PLA1A: variants seen among roughly 807,000 people sequenced by gnomAD.
The protein encoded by PLA1A is phospholipase A1 member A, also known as phosphatidylserine-specific phospholipase A1alpha.
Under a neutral mutation model 49.4 loss-of-function variants are expected in PLA1A, and 47 were observed. The ratio of observed to expected loss-of-function variants is 0.95; its 90% CI spans 0.75 to 1.21. The LOEUF (loss-of-function observed/expected upper bound fraction) is 1.21, where lower values mean the gene tolerates loss of function less well. PLA1A is among the 50% of genes most tolerant of loss of function. The pLI is 0.00. For synonymous variants in PLA1A, 224 were observed against 207.9 expected (o/e 1.08, Z -0.67); for missense variants, 561 against 563.9 (o/e 0.99, Z 0.05).
chr3:119,622,149 GGAA>G (rs59447645), intron 8 of PLA1A, among the ~76,000 whole-genome samples: 10,795 of 125,914 alleles, frequency 0.086, 513 homozygotes, highest in Admixed American at 0.1. Flanking sequence ...AGGAGGAGGA[GGAA>G]GAAGAAGAAG....
intron 3 of PLA1A, 26 bp from the exon 4 acceptor site, chr3:119,609,442 G>A (rs375904701): frequency 2.4e-4 from 336 of 1,407,574 alleles, no homozygotes; most frequent in Admixed American, 4.3e-4. Flanking sequence ...TGGCCCACGG[G>A]GAACTCACTG....
chr3:119,612,992 C>G, intron 4 of PLA1A, 25 bp from the exon 5 acceptor site: 1 of 1,437,084 alleles, frequency 7.0e-7, no homozygotes, highest in Non-Finnish European at 9.6e-7. Flanking sequence ...GGAAAGAGGT[C>G]CCTCATATCA....
intron 8 of PLA1A, chr3:119,620,077 T>C (rs1244509646): frequency 4.4e-6 from 2 of 458,108 alleles, no homozygotes; most frequent in African/African-American, 2.0e-5. Flanking sequence ...CCTTCACAGA[T>C]GCATTCCAGC....
At chr3:119,598,211 A>G (rs143876428) in intron 1 of PLA1A, among the ~76,000 whole-genome samples, 11 of 152,274 alleles carry the variant, frequency 7.2e-5, no homozygotes, top group African/African-American at 2.6e-4. Context: ...TCATTTTTCT[A>G]AAGCCCACAT....
At chr3:119,603,723 G>T (rs1036318653) in intron 1 of PLA1A, among the ~76,000 whole-genome samples, 8 of 152,196 alleles carry the variant, frequency 5.3e-5, no homozygotes, top group African/African-American at 1.9e-4. Flanking sequence ...GCTTCACACT[G>T]CAAGTGGCTC....
At chr3:119,613,404 A>G (rs565548527) in intron 5 of PLA1A, among the ~76,000 whole-genome samples, 1 of 152,374 alleles carries the variant, frequency 6.6e-6, no homozygotes, top group East Asian at 1.9e-4. Flanking sequence ...GAATGCAGTA[A>G]TAACAGTGTG....
intron 5 of PLA1A, among the ~76,000 whole-genome samples, chr3:119,613,856 G>A (rs532805874): frequency 4.6e-5 from 7 of 151,236 alleles, no homozygotes; most frequent in Non-Finnish European, 8.8e-5. Context: ...TCGCGCTACT[G>A]CACGCCAGCC....
At chr3:119,623,777 T>G (rs1338314500) in intron 8 of PLA1A, among the ~76,000 whole-genome samples, 1 of 145,676 alleles carries the variant, frequency 6.9e-6, no homozygotes. Context: ...CAGGCTGTAA[T>G]GCAACGGCAC....
intron 8 of PLA1A, chr3:119,620,308 G>A (rs534899186): frequency 2.9e-6 from 1 of 348,972 alleles, no homozygotes; most frequent in African/African-American, 2.1e-5. Context: ...ATGTGTACAG[G>A]ATAAAGTATG....
At chr3:119,599,861 A>G (rs111454170) in intron 1 of PLA1A, among the ~76,000 whole-genome samples, 1,652 of 152,060 alleles carry the variant, frequency 0.011, 25 homozygotes, top group African/African-American at 0.036. Flanking sequence ...TGAGTGTTTC[A>G]CTGTCAACAG....
At chr3:119,612,603 C>T (rs2082783221) in intron 4 of PLA1A, among the ~76,000 whole-genome samples, 1 of 152,012 alleles carries the variant, frequency 6.6e-6, no homozygotes, top group African/African-American at 2.4e-5. Flanking sequence ...ATTCTTCTGC[C>T]TCAGCCTCCC....
At chr3:119,608,244 GA>G (rs1160376119) in intron 2 of PLA1A, among the ~76,000 whole-genome samples, 6 of 41,332 alleles carry the variant, frequency 1.5e-4, no homozygotes, top group Admixed American at 5.3e-4. Context: ...AAGAAAGAGA[GA>G]AAGAAAGAAA....
chr3:119,610,567 T>C (rs181610233), intron 4 of PLA1A, among the ~76,000 whole-genome samples: 6 of 152,288 alleles, frequency 3.9e-5, no homozygotes, highest in Admixed American at 1.3e-4. Context: ...ATTAGTGATG[T>C]TGAGCATTTT....
chr3:119,626,831 G>A (rs1182388491), intron 9 of PLA1A, among the ~76,000 whole-genome samples: 6 of 152,160 alleles, frequency 3.9e-5, no homozygotes, highest in African/African-American at 1.4e-4. Flanking sequence ...AGGCCTGCAG[G>A]TGCCCACAGA....
chr3:119,619,705 G>T, intron 8 of PLA1A, 53 bp downstream of exon 8: 1 of 1,192,866 alleles, frequency 8.4e-7, no homozygotes, highest in Admixed American at 1.7e-5. Context: ...CACCAGAGGA[G>T]TCCAGCCCAG....
At chr3:119,615,687 G>A (rs1028622218) in intron 5 of PLA1A, among the ~76,000 whole-genome samples, 4 of 152,050 alleles carry the variant, frequency 2.6e-5, no homozygotes, top group Admixed American at 1.3e-4. Context: ...GGTGGCATCC[G>A]CCTGTAATCC....
chr3:119,627,242 G>A (rs761913052), intron 9 of PLA1A, among the ~76,000 whole-genome samples: 20 of 152,280 alleles, frequency 1.3e-4, no homozygotes, highest in Non-Finnish European at 2.6e-4. Context: ...GGGGAAAAAC[G>A]GGGAGGTTAT....
intron 2 of PLA1A, among the ~76,000 whole-genome samples, chr3:119,608,267 AGAAAGAAAGAAAG>A (rs2082719303): frequency 6.6e-6 from 1 of 151,552 alleles, no homozygotes; most frequent in Non-Finnish European, 1.5e-5. Context: ...AAAGAAAGAA[AGAAAGAAAGAAAG>A]AAAGAAAGAA....
intron 1 of PLA1A, among the ~76,000 whole-genome samples, chr3:119,606,373 C>T (rs970867746): frequency 1.1e-4 from 16 of 152,178 alleles, no homozygotes; most frequent in African/African-American, 3.9e-4. Context: ...TTGATTTAGA[C>T]CCACTCTGTT....
Sources: allele counts gnomAD v4.1 joint callset (sites outside exome capture counted in the v4.1 genomes callset), GRCh38; gene constraint gnomAD v4.1.1; transcripts MANE v1.5; gene names NCBI Gene and HGNC (gene_info 2026-07-23, HGNC 2026-07-21).